The following COL5A1 variants were observed in gnomAD, a reference collection of about 807,000 sequenced individuals.
COL5A1 encodes collagen alpha-1(V) chain.
In COL5A1, 16 loss-of-function variants were observed where a neutral mutation model predicts 263.7. The observed-to-expected ratio is 0.06, with a 90% confidence interval of 0.04 to 0.09. The LOEUF (loss-of-function observed/expected upper bound fraction) is 0.09. Ranked by LOEUF, COL5A1 falls within the 10% of genes least tolerant of loss-of-function variation. The probability of loss-of-function intolerance (pLI) is 1.00; values close to 1 mark genes in which losing one functional copy is unlikely to be tolerated. For synonymous variants in COL5A1, 1,012 were observed against 1,004.5 expected, an observed-to-expected ratio of 1.01 and a Z score of -0.14; for missense variants, 2,036 against 2,540.5, an observed-to-expected ratio of 0.80 and a Z score of 4.27.
At chr9:134,693,493 A>G (rs1439200929) in intron 2 of COL5A1, among the ~76,000 whole-genome samples, 1 of 152,096 alleles carries the variant, frequency 6.6e-6, no homozygotes, top group East Asian at 1.9e-4. Context: ...GGTCCACATA[A>G]GCCAATTGCC....
At chr9:134,687,527 G>T (rs770383078) in intron 1 of COL5A1, among the ~76,000 whole-genome samples, 1 of 152,132 alleles carries the variant, frequency 6.6e-6, no homozygotes, top group Non-Finnish European at 1.5e-5. Context: ...CCCCATAGGT[G>T]ATCCGGTCAT....
intron 1 of COL5A1, among the ~76,000 whole-genome samples, chr9:134,690,377 T>G (rs933183791): frequency 5.3e-5 from 8 of 152,066 alleles, no homozygotes; most frequent in Non-Finnish European, 8.8e-5. Flanking sequence ...GGGGTGAAGG[T>G]TCTCAGGGCT....
chr9:134,835,024 C>T lies in COL5A1; in HGVS notation c.5190C>T (p.Phe1730=), dbSNP rs61729481. The part of the protein sequence containing the change: ...GNPVGVVQMT[F]LRLLSASAHQ... ...CTGTGGGTGTGGTACAGATGACCTT[C>T]CTGCGGCTGCTGAGCGCCTCTGCCC... The change falls in exon 65 of 66, where the codon TTC becomes TTT. Residue 1730 remains phenylalanine (F), a synonymous_variant. Transcript: ENST00000371817. 3,181 of 1,613,568 alleles carry T rather than the reference C, an allele frequency of 2.0e-3. 54 individuals carry two copies. In the African/African-American group the frequency reaches 0.037, roughly 19 times the overall value.
chr9:134,712,355 G>T, intron 4 of COL5A1, among the ~76,000 whole-genome samples: 1 of 50,722 alleles, frequency 2.0e-5, no homozygotes. Flanking sequence ...TCTTCTTCCT[G>T]TCCCCTCCTT....
chr9:134,823,413 C>T lies in COL5A1; in HGVS notation c.4645-3C>T. On this transcript the variant is annotated splice_region_variant and splice_polypyrimidine_tract_variant and intron_variant, in intron 60 of 65. Transcript: ENST00000371817. ...AAGGGTTGATTCTTTTCTTTCTCCC[C>T]AGGGTCCAACTGGCCCGAAGGGTGA... is the stretch of plus-strand genomic sequence containing the variant. 6.2e-7 allele frequency: 1 copy of T among 1,614,202 alleles called. No individual in the cohort carries two copies. Among genetic ancestry groups the T allele is most frequent in the East Asian group, 2.2e-5 (1 of 44,884 alleles).
chr9:134,717,916 T>G (rs1834328602), intron 4 of COL5A1, among the ~76,000 whole-genome samples: 1 of 150,978 alleles, frequency 6.6e-6, no homozygotes, highest in South Asian at 2.1e-4. Flanking sequence ...GGATGGGGGA[T>G]GGGGTTGAAA....
In COL5A1 at chr9:134,789,806, C is replaced by T. The variant is rs1291128712; in HGVS notation, c.2700+598C>T. 6.6e-6 allele frequency among the ~76,000 whole-genome samples: 1 copy of T among 152,242 alleles called. No individual in the cohort carries two copies. Among genetic ancestry groups the T allele is most frequent in the Non-Finnish European group, 1.5e-5 (1 of 68,048 alleles). On this transcript the variant is annotated intron_variant, in intron 32 of 65. Coordinates refer to ENST00000371817, the MANE Select transcript of COL5A1 (RefSeq NM_000093.5). The surrounding 1 kb of genome is among the most constrained non-coding windows in gnomAD (Gnocchi z 4.8). ...TTCTGGAGCCCCCGCTGGCCCAGGC[C>T]TCCCTGCAGGAGCGGTCCTGGATGC...
intron 37 of COL5A1, among the ~76,000 whole-genome samples, chr9:134,801,680 A>G (rs1219466041): frequency 4.0e-5 from 6 of 150,160 alleles, no homozygotes; most frequent in Admixed American, 4.0e-4. Flanking sequence ...CCAGCTACCC[A>G]GGAGGGTGAG....
chr9:134,740,387 C>T (rs564097463), intron 11 of COL5A1, among the ~76,000 whole-genome samples: 3 of 152,354 alleles, frequency 2.0e-5, no homozygotes, highest in African/African-American at 7.2e-5. Context: ...GGCCAAGCTC[C>T]TCCTCCGCAG....
intron 53 of COL5A1, 152 bp from the exon 54 acceptor site, chr9:134,817,626 T>G: frequency 1.4e-6 from 1 of 738,612 alleles, no homozygotes; most frequent in Non-Finnish European, 2.4e-6. Context: ...ACCCCTGCCC[T>G]GCAGCCCGGC....
chr9:134,742,762 G>T lies in COL5A1; in HGVS notation c.1494+3954G>T, dbSNP rs1385031204. ...CGGGAATATAGTGAGATATCAGTGG[G>T]TCTGAAATCATGAGGCTGTGCATTT... On this transcript the variant is annotated intron_variant, in intron 11 of 65. Coordinates refer to ENST00000371817, the MANE Select transcript of COL5A1 (RefSeq NM_000093.5). The surrounding 1 kb of genome is among the most constrained non-coding windows in gnomAD (Gnocchi z 4.6). Among the ~76,000 whole-genome samples the T allele has an allele frequency of 1.3e-5, 2 of 152,228 alleles. No homozygotes were observed. Among genetic ancestry groups the T allele is most frequent in the African/African-American group, 4.8e-5 (2 of 41,454 alleles).
intron 4 of COL5A1, among the ~76,000 whole-genome samples, chr9:134,717,746 GTC>G (rs1355301514): frequency 6.6e-6 from 1 of 152,198 alleles, no homozygotes; most frequent in African/African-American, 2.4e-5. Context: ...AGTTATTTGT[GTC>G]TCTCTGTTTA....
At position 134,842,024 on chromosome 9, in the gene COL5A1, C is replaced by T; in HGVS notation, c.5371-133C>T. ...ATATTTCCTCCAACACTTGCCCGGGCAAGCGCAGCCCTGGGTAGGAGACAG... is the reference window on the plus strand; with the variant it reads ...ATATTTCCTCCAACACTTGCCCGGGTAAGCGCAGCCCTGGGTAGGAGACAG... On this transcript the variant is annotated intron_variant, in intron 65 of 65. Transcript: ENST00000371817. This position sits in a 1 kb window ranked among gnomAD's most constrained non-coding sequence, Gnocchi z 5.8. 1.0e-6 allele frequency: 1 copy of T among 987,972 alleles called. No individual in the cohort carries two copies. The highest frequency in any genetic ancestry group is 2.6e-5 in the East Asian group (1 of 38,886). The allele number at this position is 987,972 out of a possible 1,614,324, so 61.2% of individuals were successfully genotyped here.
intron 13 of COL5A1, among the ~76,000 whole-genome samples, chr9:134,751,092 G>C (rs1588503024): frequency 2.0e-5 from 3 of 152,032 alleles, no homozygotes; most frequent in Admixed American, 6.6e-5. Flanking sequence ...GTCCAGTAGG[G>C]GCTCTGAGAG....
At chr9:134,771,750 C>A (rs1836872784) in intron 25 of COL5A1, among the ~76,000 whole-genome samples, 1 of 152,190 alleles carries the variant, frequency 6.6e-6, no homozygotes, top group Admixed American at 6.5e-5. Context: ...CCAGAGAGGG[C>A]AAGTGACCTG....
intron 2 of COL5A1, among the ~76,000 whole-genome samples, chr9:134,694,201 G>A (rs1281882863): frequency 6.6e-6 from 1 of 152,238 alleles, no homozygotes; most frequent in Non-Finnish European, 1.5e-5. Context: ...CACACCCCTC[G>A]GCAAATCAGC....
Position 134,784,880 on chromosome 9 carries a change from C to T in COL5A1, c.2485-109C>T, listed in dbSNP as rs531483776. 1.4e-5 allele frequency: 13 copies of T among 900,278 alleles called. No individual in the cohort carries two copies. The African/African-American group carries it at 1.5e-4, about 10-fold the overall frequency. The allele number at this position is 900,278 out of a possible 1,614,324, so 55.8% of individuals were successfully genotyped here. On this transcript the variant is annotated intron_variant, in intron 29 of 65. Transcript: ENST00000371817. ...GGCCGAGCTGGTGGAGCAGCTCTGACCACAGGGTGCCTGTGACCTGTCCCC... is the reference window on the plus strand; with the variant it reads ...GGCCGAGCTGGTGGAGCAGCTCTGATCACAGGGTGCCTGTGACCTGTCCCC...
In COL5A1 at chr9:134,841,517, C is replaced by G. The variant is rs906650676; in HGVS notation, c.5371-640C>G. ...CATCCTGCAGGCCAGGTTCATTGCA[C>G]TACCCCTGCCCTCTGTGCCTCAGTT... On this transcript the variant is annotated intron_variant, in intron 65 of 65. Transcript: ENST00000371817. The surrounding 1 kb of genome is among the most constrained non-coding windows in gnomAD (Gnocchi z 4.8). Among the ~76,000 whole-genome samples the G allele has an allele frequency of 5.9e-5, 9 of 152,166 alleles. No individual in the cohort carries two copies. Among genetic ancestry groups the G allele is most frequent in the African/African-American group, 2.2e-4 (9 of 41,432 alleles).
intron 4 of COL5A1, among the ~76,000 whole-genome samples, chr9:134,714,084 G>T (rs1246689739): frequency 6.6e-6 from 1 of 152,208 alleles, no homozygotes; most frequent in African/African-American, 2.4e-5. Flanking sequence ...CAGAGACCCA[G>T]ATTTTTTTCA....
Sources: allele counts gnomAD v4.1 joint callset (sites outside exome capture counted in the v4.1 genomes callset), GRCh38; gene constraint gnomAD v4.1.1; non-coding constraint Gnocchi (gnomAD v3.1); transcripts MANE v1.5; gene names NCBI Gene and HGNC (gene_info 2026-07-23, HGNC 2026-07-21).